MRTFB: variants seen among roughly 807,000 people sequenced by gnomAD.
MRTFB encodes the protein myocardin-related transcription factor B.
Under a neutral mutation model 104.2 loss-of-function variants are expected in MRTFB, and 29 were observed. The observed-to-expected ratio is 0.28, with a 90% CI of 0.21 to 0.38. The LOEUF is 0.38. Among genes scored for constraint, MRTFB ranks in the 10% least tolerant of loss-of-function variants. The pLI, the probability that MRTFB is intolerant of heterozygous loss-of-function variation, is 1.00. For synonymous variants in MRTFB, 535 were observed against 519.5 expected, an observed-to-expected ratio of 1.03 and a Z score of -0.41; for missense variants, 1,270 against 1,341.6, an observed-to-expected ratio of 0.95 and a Z score of 0.83.
Position 14,245,508 on chromosome 16 carries a change from A to AT in MRTFB, c.1080-15dup. The AT allele has an allele frequency of 6.3e-7, 1 of 1,592,508 alleles. No homozygotes were observed. Among genetic ancestry groups the AT allele is most frequent in the Admixed American group, 1.8e-5 (1 of 54,548 alleles). On this transcript the variant is annotated intron_variant, in intron 10 of 16. Transcript: ENST00000571589. ...AGAAATTATTTTATTATAAACTCTA[A>AT]TTTTTGTTTTCTTTTGAAGGCCACT...
At chr16:14,149,027 CT>C (rs1322508954) in intron 3 of MRTFB, among the ~76,000 whole-genome samples, 2 of 152,166 alleles carry the variant, frequency 1.3e-5, no homozygotes, top group Admixed American at 1.3e-4. Context: ...ATTAGTCAGA[CT>C]TTCCTGCCAT....
intron 3 of MRTFB, among the ~76,000 whole-genome samples, chr16:14,145,786 C>T (rs1409111223): frequency 2.0e-5 from 3 of 152,352 alleles, no homozygotes; most frequent in East Asian, 3.9e-4. Context: ...TCACGATTTG[C>T]ATTCCTTCAC....
At chr16:14,165,270 G>A (rs1403476188) in intron 3 of MRTFB, among the ~76,000 whole-genome samples, 2 of 152,058 alleles carry the variant, frequency 1.3e-5, no homozygotes, top group African/African-American at 4.8e-5. Context: ...CTTCTGATTT[G>A]TTCCTTTTTC....
intron 3 of MRTFB, among the ~76,000 whole-genome samples, chr16:14,192,300 G>A (rs2040222044): frequency 6.6e-6 from 1 of 152,084 alleles, no homozygotes; most frequent in Admixed American, 6.6e-5. Context: ...CTTGAACCCA[G>A]GAGTTTGAGG....
chr16:14,254,104 A>AGGTTCCTGTTT (rs1355815867), intron 15 of MRTFB, among the ~76,000 whole-genome samples: 2 of 152,132 alleles, frequency 1.3e-5, no homozygotes, highest in African/African-American at 4.8e-5. Context: ...ACATGTCTCT[A>AGGTTCCTGTTT]GGTTCCTGTT....
chr16:14,179,011 G>A (rs188217032), intron 3 of MRTFB, among the ~76,000 whole-genome samples: 1 of 152,184 alleles, frequency 6.6e-6, no homozygotes, highest in African/African-American at 2.4e-5. Context: ...CCAAAGTGCG[G>A]GAATTACAGG....
At chr16:14,078,722 G>A (rs1047799508) in intron 1 of MRTFB, among the ~76,000 whole-genome samples, 9 of 151,908 alleles carry the variant, frequency 5.9e-5, no homozygotes, top group Admixed American at 2.0e-4. Context: ...AAGCCACTGT[G>A]CCCAGCCAAT....
chr16:14,051,043 G>A, the MRTFB span, among the ~76,000 whole-genome samples: 2,239 of 152,096 alleles, frequency 0.015, 23 homozygotes, highest in Non-Finnish European at 0.019. Flanking sequence ...TCAATCCTGT[G>A]CTGTGATTTC....
chr16:14,240,628 G>C, intron 10 of MRTFB, 144 bp downstream of exon 10: 1 of 1,351,654 alleles, frequency 7.4e-7, no homozygotes, highest in South Asian at 1.2e-5. Context: ...TTATCACACA[G>C]TGTCTGAAGT....
At chr16:14,222,368 G>A (rs777348150) in intron 8 of MRTFB, among the ~76,000 whole-genome samples, 11 of 152,052 alleles carry the variant, frequency 7.2e-5, no homozygotes, top group Non-Finnish European at 5.9e-5. Context: ...AGCTTTGAAC[G>A]CAGCCCAACA....
chr16:14,217,061 G>A, intron 6 of MRTFB, 65 bp from the exon 7 acceptor site: 12 of 1,479,290 alleles, frequency 8.1e-6, no homozygotes, highest in Non-Finnish European at 1.1e-5. Context: ...TTGTTGGCCT[G>A]AAATAACATT....
At chr16:14,150,357 A>G (rs2038550796) in intron 3 of MRTFB, among the ~76,000 whole-genome samples, 1 of 152,228 alleles carries the variant, frequency 6.6e-6, no homozygotes, top group African/African-American at 2.4e-5. Context: ...TGGACAATGT[A>G]GGGGTTGGAG....
chr16:14,095,093 T>G (rs1827473192), intron 2 of MRTFB, among the ~76,000 whole-genome samples: 1 of 152,228 alleles, frequency 6.6e-6, no homozygotes, highest in African/African-American at 2.4e-5. Flanking sequence ...TTTGTAAGAT[T>G]ATGATAGCAA....
chr16:14,044,439 C>T, the MRTFB span, among the ~76,000 whole-genome samples: 2 of 152,108 alleles, frequency 1.3e-5, no homozygotes, highest in African/African-American at 4.8e-5. Context: ...GGGAGGTGGC[C>T]CTTATTATTC....
chr16:14,087,330 T>C (rs2034776257), intron 2 of MRTFB, among the ~76,000 whole-genome samples: 1 of 152,228 alleles, frequency 6.6e-6, no homozygotes, highest in Non-Finnish European at 1.5e-5. Context: ...AACCTCTGAA[T>C]GTCCTATCCC....
intron 2 of MRTFB, among the ~76,000 whole-genome samples, chr16:14,132,262 A>G (rs8044295): frequency 0.2 from 29,900 of 151,880 alleles, 4,973 homozygotes; most frequent in African/African-American, 0.44. Context: ...AGTGGTTGCC[A>G]GGGTCTGAGG....
chr16:14,228,255 C>T (rs1262114560), intron 8 of MRTFB, among the ~76,000 whole-genome samples: 1 of 152,156 alleles, frequency 6.6e-6, no homozygotes, highest in African/African-American at 2.4e-5. Flanking sequence ...CCAAATGAAC[C>T]AGCAATTCCA....
chr16:14,174,410 C>T (rs1025067262), intron 3 of MRTFB, among the ~76,000 whole-genome samples: 19 of 152,142 alleles, frequency 1.2e-4, no homozygotes, highest in Non-Finnish European at 2.1e-4. Context: ...TGGCCAGGCA[C>T]GTTGGCTTAC....
intron 8 of MRTFB, among the ~76,000 whole-genome samples, chr16:14,225,087 G>A (rs1227503211): frequency 6.6e-6 from 1 of 152,202 alleles, no homozygotes; most frequent in Non-Finnish European, 1.5e-5. Context: ...TCGGGAGGCT[G>A]AGGTAGGAGC....
Sources: gnomAD v4.1 joint callset for allele counts (sites outside exome capture counted in the v4.1 genomes callset) on GRCh38, gnomAD v4.1.1 for gene constraint, MANE v1.5 for transcripts, NCBI Gene and HGNC (gene_info 2026-07-23, HGNC 2026-07-21) for gene names.